PZP: variants seen among roughly 807,000 people sequenced by gnomAD.
PZP encodes PZP alpha-2-macroglobulin like.
PZP carries 150 observed loss-of-function variants against 179.8 expected under a neutral mutation model. The observed-to-expected ratio is 0.83, with a 90% CI of 0.73 to 0.96. The LOEUF (loss-of-function observed/expected upper bound fraction) is 0.96. Among genes scored for constraint, PZP ranks in the 40% least tolerant of loss-of-function variants. PZP has a pLI of 0.00. For missense variants in PZP, 1,689 were observed against 1,764.0 expected (o/e 0.96, Z 0.76); for synonymous variants, 624 against 652.3 (o/e 0.96, Z 0.66).
chr12:9,193,627 A>G (rs1943579486), intron 11 of PZP, among the ~76,000 whole-genome samples: 1 of 152,186 alleles, frequency 6.6e-6, no homozygotes, highest in Non-Finnish European at 1.5e-5. Flanking sequence ...TCCATAAATT[A>G]TAGTCTTTTA....
Position 9,162,605 on chromosome 12 carries a change from C to T in PZP, c.2780G>A (p.Cys927Tyr), listed in dbSNP as rs1031958231. ...TGAAGATGGACTCTTACCTGAGGCA[C>T]AGGTCATAGAACTGAAAGTCTTTTC... ...EQEKTFSSMT[C>Y]ASGANVSEQL... The change falls in exon 22 of 36, where the codon TGT (cysteine) becomes TAT (tyrosine). Residue 927 changes from cysteine to tyrosine, a missense_variant. By Grantham distance (194) the Cys-to-Tyr change is radical. This residue lies in a region of PZP where 746 missense variants were observed against 749.2 expected (regional missense o/e 1.00). Transcript: ENST00000261336. The T allele has an allele frequency of 1.3e-6, 2 of 1,589,996 alleles. No individual in the cohort carries two copies. The highest frequency in any genetic ancestry group is 1.3e-5 in the African/African-American group (1 of 74,310).
intron 21 of PZP, 32 bp from the exon 22 acceptor site, chr12:9,162,680 T>C (rs766815244): frequency 7.9e-6 from 12 of 1,521,136 alleles, no homozygotes; most frequent in South Asian, 2.3e-5. Flanking sequence ...GGAGAAAAGA[T>C]AGAAACATCC....
At chr12:9,191,163 TC>T (rs1252873648) in intron 13 of PZP, among the ~76,000 whole-genome samples, 2 of 152,086 alleles carry the variant, frequency 1.3e-5, no homozygotes, top group African/African-American at 4.8e-5. Flanking sequence ...TACAGACTCT[TC>T]CTGTTATGAA....
intron 13 of PZP, among the ~76,000 whole-genome samples, chr12:9,185,806 T>C (rs1174327473): frequency 6.7e-6 from 1 of 149,318 alleles, no homozygotes; most frequent in East Asian, 1.9e-4. Context: ...TTTCTTTTCT[T>C]TTCTTTTCTT....
At position 9,181,375 on chromosome 12, in the gene PZP, T is replaced by C. The variant is rs138011255; in HGVS notation, c.1690-243A>G. ...ATAAATAGTTAGATCTGTTAAAAGG[T>C]ACATGACTTCCCTTATGTTTGCAAG... On this transcript the variant is annotated intron_variant, in intron 14 of 35. Coordinates refer to ENST00000261336, the MANE Select transcript of PZP (RefSeq NM_002864.3). Among the ~76,000 whole-genome samples, 812 of 152,300 alleles carry C rather than the reference T, an allele frequency of 5.3e-3. 5 individuals carry two copies. Among genetic ancestry groups the C allele is most frequent in the African/African-American group, 0.018 (746 of 41,526 alleles).
intron 17 of PZP, 104 bp from the exon 18 acceptor site, chr12:9,166,306 T>C (rs1296848803): frequency 2.7e-6 from 3 of 1,108,468 alleles, no homozygotes; most frequent in Middle Eastern, 2.7e-4. Context: ...CTGCTCAGAC[T>C]GTCCTAAAAG....
intron 13 of PZP, among the ~76,000 whole-genome samples, chr12:9,186,176 G>A (rs913778634): frequency 1.3e-5 from 2 of 152,100 alleles, no homozygotes; most frequent in African/African-American, 4.8e-5. Context: ...ATAAGTGAAG[G>A]AGAAATAAGA....
intron 29 of PZP, among the ~76,000 whole-genome samples, chr12:9,154,021 T>C (rs1940556748): frequency 6.6e-6 from 1 of 152,226 alleles, no homozygotes; most frequent in African/African-American, 2.4e-5. Flanking sequence ...ATGAAGAAGC[T>C]GAGTTCCTTG....
chr12:9,143,663 C>T, the PZP span, among the ~76,000 whole-genome samples: 1 of 152,054 alleles, frequency 6.6e-6, no homozygotes, highest in Non-Finnish European at 1.5e-5. Flanking sequence ...GTCAAGGTCC[C>T]TGAGAATTTG....
At position 9,197,097 on chromosome 12, in the gene PZP, C is replaced by T; in HGVS notation, c.782G>A (p.Gly261Glu). 1 of 1,613,084 alleles carries T rather than the reference C, an allele frequency of 6.2e-7. No individual in the cohort carries two copies. The highest frequency in any genetic ancestry group is 8.5e-7 in the Non-Finnish European group (1 of 1,179,416). ...TCTACACAGGCTCACAGTTGCAAGT[C>T]CTGGGACAGGCTTCCCATAAGTGTA... The part of the protein sequence containing the change: ...GEYTYGKPVP[G>E]LATVSLCRKL... The change falls in exon 8 of 36, where the codon GGA becomes GAA. Residue 261 changes from glycine to glutamate, a missense_variant. Physicochemically the swap from Gly to Glu is moderately conservative, Grantham distance 98 (BLOSUM62 -2). This residue lies in a region of PZP where 742 missense variants were observed against 730.5 expected (regional missense o/e 1.02). Transcript: ENST00000261336.
At chr12:9,144,952 G>T (rs1275409809), downstream of PZP, among the ~76,000 whole-genome samples, 1 of 152,222 alleles carries the variant, frequency 6.6e-6, no homozygotes, top group Admixed American at 6.5e-5. Context: ...ACTTTAAAAT[G>T]CCAGTGCTTG....
At chr12:9,189,073 C>A (rs909757039) in intron 13 of PZP, among the ~76,000 whole-genome samples, 3 of 152,062 alleles carry the variant, frequency 2.0e-5, no homozygotes, top group African/African-American at 7.2e-5. Context: ...TCATATTGCC[C>A]AAAGCAATTT....
intron 13 of PZP, among the ~76,000 whole-genome samples, chr12:9,190,988 TATG>T (rs938798330): frequency 1.3e-5 from 2 of 152,156 alleles, no homozygotes; most frequent in African/African-American, 4.8e-5. Context: ...ACTATTAAAA[TATG>T]TGGTTAAAAT....
chr12:9,157,114 T>G, intron 28 of PZP, 61 bp downstream of exon 28: 1 of 1,516,382 alleles, frequency 6.6e-7, no homozygotes, highest in Non-Finnish European at 9.0e-7. Flanking sequence ...CAATGTGTGC[T>G]GTTCCCCTCC....
At position 9,184,574 on chromosome 12, in the gene PZP, C is replaced by T. The variant is rs765471653; in HGVS notation, c.1547-2457G>A. ...CAGCTGATGAGCGTGTACCCCACCACGCTGCCACTGCCATGCTGCTGGTAC... is the reference window on the plus strand; with the variant it reads ...CAGCTGATGAGCGTGTACCCCACCATGCTGCCACTGCCATGCTGCTGGTAC... On this transcript the variant is annotated intron_variant, in intron 13 of 35. Transcript: ENST00000261336. Among the ~76,000 whole-genome samples the T allele has an allele frequency of 8.5e-5, 13 of 152,364 alleles. No homozygotes were observed. The South Asian group carries it at 2.1e-3, about 24-fold the overall frequency.
At chr12:9,149,731 T>C (rs747990885) in intron 34 of PZP, 129 bp from the exon 35 acceptor site, 89 of 730,618 alleles carry the variant, frequency 1.2e-4, no homozygotes, top group Non-Finnish European at 1.8e-4. Flanking sequence ...TTCATGTAAA[T>C]AGACAAGAAT....
chr12:9,181,015 T>G lies in PZP; in HGVS notation c.1807A>C (p.Met603Leu). The G allele has an allele frequency of 6.2e-7, 1 of 1,613,970 alleles. No individual in the cohort carries two copies. Among genetic ancestry groups the G allele is most frequent in the Non-Finnish European group, 8.5e-7 (1 of 1,179,942 alleles). ...LRAVDQSVLL[M>L]KPEAELSVSS... ...ACAGAGAGCTCAGCCTCAGGCTTCATGAGCAGCACACTTTGGTCCACAGCA... is the reference window on the plus strand; with the variant it reads ...ACAGAGAGCTCAGCCTCAGGCTTCAGGAGCAGCACACTTTGGTCCACAGCA... The change falls in exon 15 of 36, where the codon ATG (methionine) becomes CTG (leucine). Residue 603 changes from methionine to leucine, a missense_variant. By Grantham distance (15) the Met-to-Leu change is conservative (BLOSUM62 2). Coordinates refer to ENST00000261336, the MANE Select transcript of PZP (RefSeq NM_002864.3).
intron 10 of PZP, among the ~76,000 whole-genome samples, chr12:9,195,781 C>G (rs868468643): frequency 2.0e-5 from 3 of 151,270 alleles, no homozygotes; most frequent in African/African-American, 7.3e-5. Flanking sequence ...AATTATAAAA[C>G]AGGTAAAATT....
rs554508944 is a variant in PZP at position 9,174,237 on chromosome 12, T to C, written c.1840-4646A>G. On this transcript the variant is annotated intron_variant, in intron 15 of 35. Transcript: ENST00000261336. ...ACTAAAGACAAAAACCACATGGTTA[T>C]CTCAATAGGTGCAGAAAAGGCCTTT... Among the ~76,000 whole-genome samples the C allele has an allele frequency of 1.8e-4, 28 of 152,312 alleles. 2 individuals are homozygous for C. The highest frequency in any genetic ancestry group is 5.8e-4 in the East Asian group (3 of 5,184).
Sources: gnomAD v4.1 joint callset for allele counts (sites outside exome capture counted in the v4.1 genomes callset) on GRCh38, gnomAD v4.1.1 for gene constraint, gnomAD v4.1.1 regional missense constraint, MANE v1.5 for transcripts, NCBI Gene and HGNC (gene_info 2026-07-23, HGNC 2026-07-21) for gene names.